TMEM234: variants seen among roughly 807,000 people sequenced by gnomAD.
TMEM234 encodes the protein chromosome 1 open reading frame 91.
In TMEM234, 21 loss-of-function variants were observed where a neutral mutation model predicts 17.8. The observed-to-expected ratio is 1.18, with a 90% CI of 0.84 to 1.70. TMEM234 has a LOEUF of 1.70. Among genes scored for constraint, TMEM234 ranks in the 40% most tolerant of loss-of-function variants. The probability of loss-of-function intolerance (pLI) is 0.00; values close to 1 mark genes in which losing one functional copy is unlikely to be tolerated. For missense variants in TMEM234, 137 were observed against 166.9 expected, an observed-to-expected ratio of 0.82 and a Z score of 0.99; for synonymous variants, 83 against 73.5, an observed-to-expected ratio of 1.13 and a Z score of -0.66.
intron 3 of TMEM234, among the ~76,000 whole-genome samples, chr1:32,218,595 G>A (rs1638622829): frequency 6.6e-6 from 1 of 152,008 alleles, no homozygotes; most frequent in Non-Finnish European, 1.5e-5. Flanking sequence ...CTGAGGTTGG[G>A]AGTTAGAGAC....
chr1:32,216,188 A>T, downstream of TMEM234: 1 of 840,822 alleles, frequency 1.2e-6, no homozygotes, highest in Non-Finnish European at 1.8e-6. Context: ...AAGAATACTT[A>T]CTAACCTCTT....
chr1:32,216,143 GCTGA>G, downstream of TMEM234: 1 of 692,252 alleles, frequency 1.4e-6, no homozygotes, highest in South Asian at 1.9e-5. Flanking sequence ...GAAAGGAGTA[GCTGA>G]CTAAGCCTGG....
At chr1:32,215,686 G>C (rs965030156), downstream of TMEM234, 3 of 1,111,306 alleles carry the variant, frequency 2.7e-6, no homozygotes, top group African/African-American at 4.8e-5. Flanking sequence ...GTTAAATGAG[G>C]AAGCAGTTCC....
At chr1:32,217,142 G>T (rs1183075149) in intron 4 of TMEM234, 117 bp downstream of exon 4, 2 of 1,592,550 alleles carry the variant, frequency 1.3e-6, no homozygotes, top group Non-Finnish European at 1.7e-6. Flanking sequence ...GGAAAGGGCA[G>T]GATGGGAAAA....
downstream of TMEM234, chr1:32,215,575 G>A: frequency 6.3e-7 from 1 of 1,599,530 alleles, no homozygotes; most frequent in Non-Finnish European, 8.5e-7. Flanking sequence ...CAGTATGTTG[G>A]GGTGGGAGGA....
At chr1:32,215,705 A>G, downstream of TMEM234, 2 of 1,168,058 alleles carry the variant, frequency 1.7e-6, no homozygotes, top group South Asian at 2.9e-5. Context: ...CCTAATTTCC[A>G]GTTTCTTCCT....
Position 32,220,457 on chromosome 1 carries a change from G to A in TMEM234, c.235+674C>T, listed in dbSNP as rs1035657856. On this transcript the variant is annotated intron_variant, in intron 3 of 4. Transcript: ENST00000309777. Reference sequence around the variant, plus strand: ...CTCCCAAAGTGCTGGGATTACAGGCGTGAGTCACCATGCCCAGTCGAGCAT... The same window carrying A: ...CTCCCAAAGTGCTGGGATTACAGGCATGAGTCACCATGCCCAGTCGAGCAT... 3.9e-5 allele frequency among the ~76,000 whole-genome samples: 6 copies of A among 152,342 alleles called. No individual in the cohort carries two copies. The East Asian group carries it at 5.8e-4, about 15-fold the overall frequency.
chr1:32,221,196 T>C lies in TMEM234; in HGVS notation c.170A>G (p.Tyr57Cys). 2.5e-6 allele frequency: 4 copies of C among 1,613,048 alleles called. No homozygotes were observed. Among genetic ancestry groups the C allele is most frequent in the Non-Finnish European group, 3.4e-6 (4 of 1,179,560 alleles). ...EMKTLFLNTE[Y>C]LMPFLLNQCG... is the part of the protein sequence containing the mutation. ...CTGGTTGAGGAGAAAGGGCATCAGG[T>C]ACTGGAAAGAGGAGAAACCTGCAGT... Residue 57 changes from tyrosine (Y) to cysteine (C), a missense_variant and splice_region_variant, in exon 3 of 5, where the codon TAC becomes TGC. Coordinates refer to ENST00000309777, the MANE Select transcript of TMEM234 (RefSeq NM_019118.5).
intron 4 of TMEM234, 69 bp from the exon 5 acceptor site, chr1:32,217,016 G>A: frequency 6.2e-7 from 1 of 1,608,020 alleles, no homozygotes; most frequent in Non-Finnish European, 8.5e-7. Context: ...TACAGGGCTG[G>A]AGGAAGGGCT....
chr1:32,218,269 A>G (rs1311143060), intron 3 of TMEM234, among the ~76,000 whole-genome samples: 1 of 150,942 alleles, frequency 6.6e-6, no homozygotes, highest in African/African-American at 2.4e-5. Flanking sequence ...TACTAAAAAT[A>G]CCAAAAATTA....
At chr1:32,215,616 C>A, downstream of TMEM234, 2 of 1,413,892 alleles carry the variant, frequency 1.4e-6, no homozygotes, top group Non-Finnish European at 2.0e-6. Flanking sequence ...AGCCTTGGGC[C>A]CCAGGAACAG....
At chr1:32,219,589 AG>A (rs1193516860) in intron 3 of TMEM234, among the ~76,000 whole-genome samples, 2 of 152,020 alleles carry the variant, frequency 1.3e-5, no homozygotes, top group Non-Finnish European at 2.9e-5. Flanking sequence ...GTTGTTGCCT[AG>A]GGTGATCTCT....
chr1:32,219,249 C>T (rs1638681995), intron 3 of TMEM234, among the ~76,000 whole-genome samples: 1 of 152,236 alleles, frequency 6.6e-6, no homozygotes, highest in Non-Finnish European at 1.5e-5. Flanking sequence ...CCCAGCACTC[C>T]CAGGGCTCGC....
At chr1:32,221,739 A>G in intron 2 of TMEM234, 128 bp downstream of exon 2, 1 of 1,306,188 alleles carries the variant, frequency 7.7e-7, no homozygotes, top group South Asian at 1.4e-5. Context: ...ACTGAGGCTC[A>G]AGGACAACTG....
chr1:32,221,812 G>A, intron 2 of TMEM234, 55 bp downstream of exon 2: 1 of 1,605,514 alleles, frequency 6.2e-7, no homozygotes, highest in East Asian at 2.2e-5. Context: ...TGACTCCAAA[G>A]ACCAAATTCT....
At chr1:32,215,110 T>TA (rs76434576), downstream of TMEM234, 51,173 of 655,810 alleles carry the variant, frequency 0.078, 1 homozygote, top group South Asian at 0.099. Flanking sequence ...AGACTGCCCG[T>TA]AAAAAAAAAA....
At chr1:32,215,611 T>G (rs1569782238), downstream of TMEM234, 1 of 1,460,448 alleles carries the variant, frequency 6.8e-7, no homozygotes, top group East Asian at 2.3e-5. Context: ...CTGGCAGCCT[T>G]GGGCCCCAGG....
rs1428892646 is a variant in TMEM234 at position 32,216,420 on chromosome 1, C to T, written c.*433G>A. ...GGTTCCACCCCTCATTCAGCCAAAG[C>T]GCTCTGACTGAGTCCCAGAGGCCTC... is the stretch of plus-strand genomic sequence containing the variant. On this transcript the variant is annotated 3_prime_UTR_variant, in exon 5 of 5. Coordinates refer to ENST00000309777, the MANE Select transcript of TMEM234 (RefSeq NM_019118.5). The T allele has an allele frequency of 2.6e-6, 4 of 1,551,538 alleles. No homozygotes were observed. The highest frequency in any genetic ancestry group is 2.6e-6 in the Non-Finnish European group (3 of 1,146,992).
intron 4 of TMEM234, 70 bp downstream of exon 4, chr1:32,217,188 TG>T: frequency 6.2e-7 from 1 of 1,613,694 alleles, no homozygotes; most frequent in Non-Finnish European, 8.5e-7. Flanking sequence ...AGATGGGTTC[TG>T]GGAAGGAACT....
Sources: allele counts gnomAD v4.1 joint callset (sites outside exome capture counted in the v4.1 genomes callset), GRCh38; gene constraint gnomAD v4.1.1; transcripts MANE v1.5; gene names NCBI Gene and HGNC (gene_info 2026-07-23, HGNC 2026-07-21).